The following DCLK1 variants were observed in gnomAD, a reference collection of about 807,000 sequenced individuals.
The protein encoded by DCLK1 is serine/threonine-protein kinase DCLK1.
In DCLK1, 16 loss-of-function variants were observed where a neutral mutation model predicts 86.2. The observed-to-expected ratio is 0.19, with a 90% CI of 0.13 to 0.28. The LOEUF (loss-of-function observed/expected upper bound fraction) is 0.28, where lower values mean the gene tolerates loss of function less well. Among genes scored for constraint, DCLK1 ranks in the 10% least tolerant of loss-of-function variants. The probability of loss-of-function intolerance (pLI) is 1.00; values close to 1 mark genes in which losing one functional copy is unlikely to be tolerated. For synonymous variants in DCLK1, 369 were observed against 370.5 expected, an observed-to-expected ratio of 1.00 and a Z score of 0.05; for missense variants, 590 against 940.2, an observed-to-expected ratio of 0.63 and a Z score of 4.87.
intron 4 of DCLK1, among the ~76,000 whole-genome samples, chr13:35,912,540 G>A (rs900934762): frequency 5.9e-5 from 9 of 151,974 alleles, no homozygotes; most frequent in Non-Finnish European, 1.3e-4. Context: ...TTAACTTCAG[G>A]GAAGAGCCAG....
chr13:35,808,970 A>C, intron 13 of DCLK1, 48 bp downstream of exon 13: 2 of 1,546,046 alleles, frequency 1.3e-6, no homozygotes, highest in Non-Finnish European at 1.8e-6. Flanking sequence ...TCACTCAGAG[A>C]GTAGAGAAAT....
intron 4 of DCLK1, among the ~76,000 whole-genome samples, chr13:35,938,727 T>C (rs1435288630): frequency 6.6e-6 from 1 of 151,978 alleles, no homozygotes; most frequent in African/African-American, 2.4e-5. Flanking sequence ...GAAGCAACTG[T>C]TGGATGCTGT....
intron 3 of DCLK1, among the ~76,000 whole-genome samples, chr13:36,036,516 A>G (rs1882504716): frequency 6.6e-6 from 1 of 152,214 alleles, no homozygotes; most frequent in Non-Finnish European, 1.5e-5. Flanking sequence ...TTGATGTTCT[A>G]CATAACACTA....
intron 3 of DCLK1, among the ~76,000 whole-genome samples, chr13:36,108,309 G>A (rs1885477917): frequency 6.6e-6 from 1 of 152,172 alleles, no homozygotes; most frequent in African/African-American, 2.4e-5. Context: ...GAACCACAAC[G>A]GTCATCTTGG....
chr13:36,050,282 C>A (rs900881817), intron 3 of DCLK1, among the ~76,000 whole-genome samples: 1 of 152,052 alleles, frequency 6.6e-6, no homozygotes, highest in African/African-American at 2.4e-5. Flanking sequence ...CTTAGTCAAC[C>A]TCAAATATCT....
chr13:36,108,429 T>C (rs2138182110), intron 3 of DCLK1, among the ~76,000 whole-genome samples: 1 of 152,344 alleles, frequency 6.6e-6, no homozygotes, highest in South Asian at 2.1e-4. Flanking sequence ...CAATGAACTC[T>C]TTGCTTAGGG....
rs192526092 is a variant in DCLK1, at chr13:35,810,615, G to T, written c.1688+220C>A. ...GTTCTACCTTTAACAAAGACCAAAT[G>T]GAAGCCTTAAGATTGCAGTAATTGA... On this transcript the variant is annotated intron_variant, in intron 12 of 16. Transcript: ENST00000360631. Among the ~76,000 whole-genome samples, 223 of 152,262 alleles carry T rather than the reference G, an allele frequency of 1.5e-3. 2 individuals carry two copies. Among genetic ancestry groups the T allele is most frequent in the Non-Finnish European group, 3.5e-4 (24 of 68,016 alleles).
chr13:35,815,896 G>T (rs2087253625), intron 11 of DCLK1, among the ~76,000 whole-genome samples: 1 of 152,128 alleles, frequency 6.6e-6, no homozygotes, highest in South Asian at 2.1e-4. Context: ...ATGTTGTGCA[G>T]ATGTTAGAAA....
At chr13:36,035,133 TTGTC>T (rs1882436528) in intron 3 of DCLK1, among the ~76,000 whole-genome samples, 1 of 152,128 alleles carries the variant, frequency 6.6e-6, no homozygotes, top group Non-Finnish European at 1.5e-5. Flanking sequence ...GGCTGCCCCT[TTGTC>T]TGCTATTGTG....
In DCLK1 at chr13:36,125,855, G is replaced by C. The variant is rs531312784; in HGVS notation, c.283C>G (p.Leu95Val). ...EALLADLTRTLSDNVNLPQGV... is the reference protein window; with the variant it reads ...EALLADLTRTVSDNVNLPQGV... ...TGGGGCAAATTCACGTTATCCGACA[G>C]AGTTCGGGTCAAATCAGCCAGCAGG... The change falls in exon 2 of 17, where the codon CTG (leucine) becomes GTG (valine). Residue 95 changes from leucine (L) to valine (V), a missense_variant. By Grantham distance (32) the Leu-to-Val change is conservative. Coordinates refer to ENST00000360631, the MANE Select transcript of DCLK1 (RefSeq NM_001330071.2). 1.2e-6 allele frequency: 2 copies of C among 1,614,220 alleles called. No individual in the cohort carries two copies. The highest frequency in any genetic ancestry group is 1.7e-5 in the Admixed American group (1 of 60,024).
intron 15 of DCLK1, among the ~76,000 whole-genome samples, chr13:35,796,327 CTT>C (rs1001366125): frequency 6.6e-6 from 1 of 152,084 alleles, no homozygotes; most frequent in Non-Finnish European, 1.5e-5. Context: ...ATGAAAGAAA[CTT>C]GAGCATAATT....
rs113399298 is a variant in DCLK1, at chr13:36,075,766, C to A, written c.723+36103G>T. ...GCATGGTGGCTCACGCCTGTAAACCCAGCACTTTGGGAGGCCGAGGCAGGC... is the reference window on the plus strand; with the variant it reads ...GCATGGTGGCTCACGCCTGTAAACCAAGCACTTTGGGAGGCCGAGGCAGGC... On this transcript the variant is annotated intron_variant, in intron 3 of 16. Coordinates refer to ENST00000360631, the MANE Select transcript of DCLK1 (RefSeq NM_001330071.2). Among the ~76,000 whole-genome samples the A allele has an allele frequency of 2.0e-4, 30 of 152,290 alleles. 1 individual carries two copies. The highest frequency in any genetic ancestry group is 7.0e-4 in the African/African-American group (29 of 41,546).
intron 2 of DCLK1, among the ~76,000 whole-genome samples, chr13:36,118,968 A>G (rs1299226851): frequency 2.0e-5 from 3 of 152,192 alleles, no homozygotes; most frequent in Non-Finnish European, 4.4e-5. Flanking sequence ...CATTCATAAA[A>G]GCTCCAGCCT....
At chr13:35,989,806 C>T (rs374917932) in intron 3 of DCLK1, among the ~76,000 whole-genome samples, 1 of 151,784 alleles carries the variant, frequency 6.6e-6, no homozygotes, top group African/African-American at 2.4e-5. Flanking sequence ...CCTGCTTCAG[C>T]CTCCTGAATT....
chr13:36,097,479 T>C (rs1182374325), intron 3 of DCLK1, among the ~76,000 whole-genome samples: 2 of 152,220 alleles, frequency 1.3e-5, no homozygotes, highest in Admixed American at 6.5e-5. Context: ...ATCTCTGTGA[T>C]GTGTTAGTTA....
intron 3 of DCLK1, among the ~76,000 whole-genome samples, chr13:36,021,419 TA>T (rs1300974427): frequency 6.6e-6 from 1 of 151,868 alleles, no homozygotes; most frequent in South Asian, 2.1e-4. Context: ...TTACATTAAT[TA>T]ATGGGCTAAG....
chr13:36,012,603 A>G (rs943373335), intron 3 of DCLK1, among the ~76,000 whole-genome samples: 15 of 142,880 alleles, frequency 1.0e-4, no homozygotes, highest in African/African-American at 2.4e-4. Context: ...ATCCGCTGTT[A>G]GTCTGATGGG....
chr13:36,114,539 G>A (rs1307824846), intron 2 of DCLK1, among the ~76,000 whole-genome samples: 3 of 152,154 alleles, frequency 2.0e-5, no homozygotes, highest in African/African-American at 7.2e-5. Context: ...CAGGAATTCA[G>A]GAAAGGCCCA....
intron 3 of DCLK1, among the ~76,000 whole-genome samples, chr13:36,090,547 G>T (rs529870147): frequency 6.6e-6 from 1 of 152,176 alleles, no homozygotes; most frequent in Non-Finnish European, 1.5e-5. Flanking sequence ...CAAAAGCTCT[G>T]TTCTTAGAAA....
Sources: gnomAD v4.1 joint callset for allele counts (sites outside exome capture counted in the v4.1 genomes callset) on GRCh38, gnomAD v4.1.1 for gene constraint, MANE v1.5 for transcripts, NCBI Gene and HGNC (gene_info 2026-07-23, HGNC 2026-07-21) for gene names.